BLTP2: variants seen among roughly 807,000 people sequenced by gnomAD.
BLTP2 encodes the protein U937-associated antigen.
chr17:28,640,928 G>A, the BLTP2 span, among the ~76,000 whole-genome samples: 2 of 152,316 alleles, frequency 1.3e-5, no homozygotes, highest in East Asian at 3.9e-4. Context: ...GGACCTTAGG[G>A]CCAAATAATT....
the BLTP2 span, chr17:28,636,039 A>G: frequency 6.3e-6 from 1 of 158,712 alleles, no homozygotes; most frequent in Non-Finnish European, 1.4e-5. Context: ...TCATGAGTTG[A>G]TTGCATCAAT....
the BLTP2 span, chr17:28,615,908 A>G: frequency 8.2e-7 from 1 of 1,223,224 alleles, no homozygotes; most frequent in Non-Finnish European, 1.2e-6. Context: ...ATAGTAACCT[A>G]CAGATACTGA....
At chr17:28,627,905 C>T in the BLTP2 span, among the ~76,000 whole-genome samples, 1 of 152,162 alleles carries the variant, frequency 6.6e-6, no homozygotes, top group Non-Finnish European at 1.5e-5. Flanking sequence ...AAGTGACCCA[C>T]CCACCTCGGC....
At chr17:28,624,208 G>C in the BLTP2 span, 2 of 1,607,438 alleles carry the variant, frequency 1.2e-6, no homozygotes, top group Non-Finnish European at 1.7e-6. Flanking sequence ...GCCTGATGTT[G>C]AGGTAACTTG....
the BLTP2 span, chr17:28,623,634 A>G: frequency 4.0e-6 from 3 of 756,488 alleles, no homozygotes; most frequent in East Asian, 7.6e-5. Flanking sequence ...CCCACATTCA[A>G]GGTGTTATTA....
the BLTP2 span, among the ~76,000 whole-genome samples, chr17:28,622,331 C>T: frequency 2.6e-5 from 4 of 152,232 alleles, no homozygotes; most frequent in Non-Finnish European, 4.4e-5. Context: ...CACGGCTTAA[C>T]ATCTGATCTA....
At chr17:28,637,058 C>T in the BLTP2 span, 1 of 1,614,138 alleles carries the variant, frequency 6.2e-7, no homozygotes, top group Admixed American at 1.7e-5. Context: ...AACAGGGTTG[C>T]ATCTTCTCCG....
chr17:28,628,315 C>T, the BLTP2 span: 9 of 1,614,050 alleles, frequency 5.6e-6, no homozygotes, highest in African/African-American at 2.7e-5. Context: ...AGTGTTAACA[C>T]GAGGTGGGGC....
the BLTP2 span, chr17:28,633,080 C>CATGGGGGTTCCCA: frequency 6.3e-7 from 1 of 1,591,628 alleles, no homozygotes; most frequent in Non-Finnish European, 8.6e-7. Flanking sequence ...CTATGGTGAT[C>CATGGGGGTTCCCA]ATGGGGGTTC....
chr17:28,627,556 G>A, the BLTP2 span, among the ~76,000 whole-genome samples: 191 of 152,112 alleles, frequency 1.3e-3, no homozygotes, highest in Non-Finnish European at 2.1e-3. Flanking sequence ...ACAAGCACCC[G>A]CCACCATGCA....
the BLTP2 span, among the ~76,000 whole-genome samples, chr17:28,629,359 T>G: frequency 6.6e-6 from 1 of 152,082 alleles, no homozygotes; most frequent in African/African-American, 2.4e-5. Context: ...GGCATGATCT[T>G]GGCTAACTGC....
At chr17:28,631,976 G>T in the BLTP2 span, 2 of 1,605,556 alleles carry the variant, frequency 1.2e-6, no homozygotes, top group Non-Finnish European at 1.7e-6. Context: ...ATGATTAAGG[G>T]ACTCAATATG....
At chr17:28,639,156 G>C in the BLTP2 span, 3 of 729,136 alleles carry the variant, frequency 4.1e-6, no homozygotes, top group African/African-American at 1.7e-5. Context: ...AAGGAGTCTA[G>C]TCTAATGGGA....
At chr17:28,620,625 C>T in the BLTP2 span, 1 of 1,613,898 alleles carries the variant, frequency 6.2e-7, no homozygotes, top group Non-Finnish European at 8.5e-7. Context: ...AAGGTATCCA[C>T]AGCCCCTAGA....
chr17:28,639,222 C>T, the BLTP2 span: 1 of 1,328,016 alleles, frequency 7.5e-7, no homozygotes, highest in Non-Finnish European at 1.1e-6. Context: ...GTCAAACAAC[C>T]AAATACATAT....
At chr17:28,640,077 TC>T in the BLTP2 span, 1 of 1,594,000 alleles carries the variant, frequency 6.3e-7, no homozygotes, top group Non-Finnish European at 8.5e-7. Flanking sequence ...CATTCCTACT[TC>T]TTTTACTTTT....
the BLTP2 span, chr17:28,637,876 C>G: frequency 6.2e-7 from 1 of 1,614,164 alleles, no homozygotes; most frequent in Non-Finnish European, 8.5e-7. Context: ...TGTCTTCGAC[C>G]TTCAAGTCCA....
At chr17:28,633,008 A>G in the BLTP2 span, 10 of 1,582,204 alleles carry the variant, frequency 6.3e-6, no homozygotes, top group South Asian at 9.3e-5. Context: ...AAGGCCCGGT[A>G]GGAGTCATGA....
the BLTP2 span, among the ~76,000 whole-genome samples, chr17:28,628,794 C>T: frequency 1.3e-5 from 2 of 152,198 alleles, no homozygotes; most frequent in Admixed American, 6.5e-5. Context: ...ATTAGCTGGG[C>T]ATGGTGGCTG....
Sources: allele counts gnomAD v4.1 joint callset (sites outside exome capture counted in the v4.1 genomes callset), GRCh38; gene constraint gnomAD v4.1.1; transcripts MANE v1.5; gene names NCBI Gene and HGNC (gene_info 2026-07-23, HGNC 2026-07-21).